BNIPL: variants seen among roughly 807,000 people sequenced by gnomAD.
The protein encoded by BNIPL is BCL2 interacting protein like, also known as bcl-2/adenovirus E1B 19 kDa-interacting protein 2-like protein.
BNIPL carries 33 observed loss-of-function variants against 47.0 expected under a neutral mutation model. That is an observed-to-expected ratio of 0.70 (90% CI 0.53 to 0.94). The LOEUF (loss-of-function observed/expected upper bound fraction) is 0.94. BNIPL is among the 40% of genes least tolerant of loss of function. BNIPL has a pLI of 0.00. For missense variants in BNIPL, 404 were observed against 445.2 expected (o/e 0.91, Z 0.83); for synonymous variants, 145 against 162.7 (o/e 0.89, Z 0.83).
chr1:151,039,056 T>C lies in BNIPL; in HGVS notation c.433+30T>C, dbSNP rs767537217. 9 of 1,536,300 alleles carry C rather than the reference T, an allele frequency of 5.9e-6. No homozygotes were observed. In the Admixed American group the frequency reaches 1.2e-4, roughly 21 times the overall value. ...GAAACAAACCAGAGGACTCAGCTGG[T>C]AGAAGTAGAGGCTAGAGCTAAAGGA... On this transcript the variant is annotated intron_variant, in intron 4 of 9. Transcript: ENST00000368931.
rs369054039 is a variant in BNIPL, at chr1:151,037,113, G to A, written c.41+347G>A. Among the ~76,000 whole-genome samples, 7 of 152,224 alleles carry A rather than the reference G, an allele frequency of 4.6e-5. No homozygotes were observed. In the East Asian group the frequency reaches 1.2e-3, roughly 25 times the overall value. ...GAACCGAGTTTAGGTCCAGGTTCTC[G>A]TTCTGGCAAATCTTTCTCCTTACCT... is the stretch of plus-strand genomic sequence containing the variant. On this transcript the variant is annotated intron_variant, in intron 1 of 9. Transcript: ENST00000368931.
chr1:151,046,080 C>G lies in BNIPL; in HGVS notation c.952C>G (p.Arg318Gly), dbSNP rs140082924. The G allele has an allele frequency of 1.4e-5, 23 of 1,614,022 alleles. No individual in the cohort carries two copies. The highest frequency in any genetic ancestry group is 4.0e-5 in the African/African-American group (3 of 74,912). Reference sequence around the variant, plus strand: ...CTCTCTTTTCAGTTCCAAATTCACACGAAAAATCCGTTTTCTGGACAGCCT... The same window carrying G: ...CTCTCTTTTCAGTTCCAAATTCACAGGAAAAATCCGTTTTCTGGACAGCCT... ...LRPFISSKFT[R>G]KIRFLDSLGE... The change falls in exon 9 of 10, where the codon CGA becomes GGA. Residue 318 changes from arginine (R) to glycine (G), a missense_variant. Physicochemically the swap from Arg to Gly is moderately radical, Grantham distance 125. Transcript: ENST00000368931.
Position 151,045,114 on chromosome 1 carries a change from A to G in BNIPL, c.852-683A>G, listed in dbSNP as rs193162991. 1,113 of 361,876 alleles carry G rather than the reference A, an allele frequency of 3.1e-3. 4 individuals are homozygous for G. Among genetic ancestry groups the G allele is most frequent in the Non-Finnish European group, 4.0e-3 (915 of 228,620 alleles). 22.4% of individuals were successfully genotyped at this position (361,876 alleles called of 1,614,324 possible). A position where few individuals can be genotyped will look rare whatever the true frequency, so the allele number is the denominator to read the frequency against. On this transcript the variant is annotated intron_variant, in intron 7 of 9. Transcript: ENST00000368931. The stretch of plus-strand genomic sequence containing the variant: ...GTCATTATCTCTACTAAAAAAATAC[A>G]AAAATTAGCTGGGCATGGTGGCATG...
Position 151,038,907 on chromosome 1 carries a change from C to G in BNIPL, c.314C>G (p.Ala105Gly). 6.2e-7 allele frequency: 1 copy of G among 1,614,094 alleles called. No homozygotes were observed. Among genetic ancestry groups the G allele is most frequent in the Non-Finnish European group, 8.5e-7 (1 of 1,179,972 alleles). The stretch of plus-strand genomic sequence containing the variant: ...ACTAAGGGGCCTGGAAATGATGGAG[C>G]TTCACCCACCCAGTCTGCACCTTCC... ...SLTKGPGNDGASPTQSAPSSP... is the reference protein window; with the variant it reads ...SLTKGPGNDGGSPTQSAPSSP... The change falls in exon 4 of 10, where the codon GCT becomes GGT. Residue 105 changes from alanine (A) to glycine (G), a missense_variant. Transcript: ENST00000368931.
chr1:151,046,606 C>CTAAATGATGACTCAACCCAATCATCTAG, intron 9 of BNIPL, 45 bp from the exon 10 acceptor site: 2 of 1,535,248 alleles, frequency 1.3e-6, no homozygotes, highest in Admixed American at 1.8e-5. Flanking sequence ...AAACCCAAGT[C>CTAAATGATGACTCAACCCAATCATCTAG]CTACCCCCTG....
intron 2 of BNIPL, among the ~76,000 whole-genome samples, chr1:151,038,128 A>G (rs1675692444): frequency 6.6e-6 from 1 of 151,720 alleles, no homozygotes; most frequent in Non-Finnish European, 1.5e-5. Context: ...TAATCCCAGC[A>G]CTTTGGGAGG....
intron 1 of BNIPL, chr1:151,037,263 G>T: frequency 1.0e-6 from 1 of 994,228 alleles, no homozygotes; most frequent in Non-Finnish European, 1.3e-6. Context: ...GGTGGGTCTA[G>T]CTGGGTTCCA....
chr1:151,038,000 C>CAAAAAA (rs58423611), intron 2 of BNIPL, among the ~76,000 whole-genome samples: 20 of 63,946 alleles, frequency 3.1e-4, no homozygotes, highest in African/African-American at 5.6e-4. Context: ...AACTCTGTCT[C>CAAAAAA]AAAAAAAAAA....
intron 4 of BNIPL, among the ~76,000 whole-genome samples, chr1:151,041,073 T>C (rs1675805991): frequency 6.6e-6 from 1 of 151,832 alleles, no homozygotes; most frequent in Non-Finnish European, 1.5e-5. Flanking sequence ...TAGTCCCAGC[T>C]ACTTGGGAGG....
At chr1:151,046,405 G>A (rs1291095450) in intron 9 of BNIPL, among the ~76,000 whole-genome samples, 2 of 151,730 alleles carry the variant, frequency 1.3e-5, no homozygotes, top group African/African-American at 4.9e-5. Flanking sequence ...AGGCAATAAG[G>A]AATAAAGGAA....
chr1:151,046,513 G>T, intron 9 of BNIPL, 138 bp from the exon 10 acceptor site: 1 of 773,730 alleles, frequency 1.3e-6, no homozygotes, highest in Non-Finnish European at 2.1e-6. Flanking sequence ...AGGGTGTTAG[G>T]GAGCAAAAGT....
intron 4 of BNIPL, among the ~76,000 whole-genome samples, chr1:151,041,280 G>A (rs1675816866): frequency 6.6e-6 from 1 of 152,172 alleles, no homozygotes; most frequent in South Asian, 2.1e-4. Context: ...AAGCAGTAAG[G>A]AGGCTAGTAC....
At chr1:151,046,504 G>C (rs1028330550) in intron 9 of BNIPL, 147 bp from the exon 10 acceptor site, 14 of 719,416 alleles carry the variant, frequency 1.9e-5, no homozygotes, top group Non-Finnish European at 3.0e-5. Context: ...GTGGGGGAGA[G>C]GGTGTTAGGG....
chr1:151,046,151 T>A lies in BNIPL; in HGVS notation c.1023T>A (p.Pro341=). 1 of 1,614,124 alleles carries A rather than the reference T, an allele frequency of 6.2e-7. No homozygotes were observed. The highest frequency in any genetic ancestry group is 8.5e-7 in the Non-Finnish European group (1 of 1,180,014). ...QLISLDQVHI[P]EAVRQLDRDL... is the part of the protein sequence containing the mutation. ...TATCCCTGGATCAAGTCCACATCCC[T>A]GAAGCTGTCAGACAGTGAGTTTCAC... The change falls in exon 9 of 10, where the codon CCT becomes CCA. Residue 341 remains proline (P), a synonymous_variant. Coordinates refer to ENST00000368931, the MANE Select transcript of BNIPL (RefSeq NM_138278.4).
intron 4 of BNIPL, among the ~76,000 whole-genome samples, chr1:151,042,047 T>A (rs1252105208): frequency 6.6e-6 from 1 of 151,676 alleles, no homozygotes; most frequent in Non-Finnish European, 1.5e-5. Flanking sequence ...TATTATTATT[T>A]TTGAGACAGA....
Position 151,037,675 on chromosome 1 carries a change from G to A in BNIPL, c.137+13G>A, listed in dbSNP as rs749376435. On this transcript the variant is annotated intron_variant, in intron 2 of 9. Coordinates refer to ENST00000368931, the MANE Select transcript of BNIPL (RefSeq NM_138278.4). Reference sequence around the variant, plus strand: ...AAGAATTCCCTAGGTGAGGACGTGTGAGGGTGGCTGGGAGAAGGGAGGGGT... The same window carrying A: ...AAGAATTCCCTAGGTGAGGACGTGTAAGGGTGGCTGGGAGAAGGGAGGGGT... The A allele has an allele frequency of 1.9e-6, 3 of 1,578,310 alleles. No individual in the cohort carries two copies.
chr1:151,043,675 C>A lies in BNIPL; in HGVS notation c.799C>A (p.Gln267Lys). 1.2e-6 allele frequency: 2 copies of A among 1,613,898 alleles called. No homozygotes were observed. The highest frequency in any genetic ancestry group is 1.7e-6 in the Non-Finnish European group (2 of 1,179,782). The part of the protein sequence containing the change: ...VHLSGGTSRA[Q>K]VPPLSWIRQC... ...TTTGAGTGGAGGCACAAGCAGGGCCCAAGTTCCACCTCTAAGCTGGATACG... is the reference window on the plus strand; with the variant it reads ...TTTGAGTGGAGGCACAAGCAGGGCCAAAGTTCCACCTCTAAGCTGGATACG... The change falls in exon 7 of 10, where the codon CAA becomes AAA. Residue 267 changes from glutamine to lysine, a missense_variant. Physicochemically the swap from Gln to Lys is moderately conservative, Grantham distance 53 (BLOSUM62 1). Coordinates refer to ENST00000368931, the MANE Select transcript of BNIPL (RefSeq NM_138278.4).
At chr1:151,041,606 A>AAAC (rs1004564004) in intron 4 of BNIPL, among the ~76,000 whole-genome samples, 9 of 152,098 alleles carry the variant, frequency 5.9e-5, no homozygotes, top group East Asian at 3.8e-4. Flanking sequence ...CTCTAAAAGA[A>AAAC]AACAACAACA....
In BNIPL at chr1:151,045,809, C is replaced by T. The variant is rs1449247567; in HGVS notation, c.864C>T (p.Asn288=). Residue 288 remains asparagine, a synonymous_variant, in exon 8 of 10, where the codon AAC becomes AAT. Transcript: ENST00000368931. ...TGTTGTTTTTCAGGCTACGGAAAAA[C>T]CTGCGAGCCCTGGTGGTTGTCCATG... ...YRTLDRRLRK[N]LRALVVVHAT... is the part of the protein sequence containing the mutation. 5 of 1,613,948 alleles carry T rather than the reference C, an allele frequency of 3.1e-6. No individual in the cohort carries two copies. The highest frequency in any genetic ancestry group is 3.4e-6 in the Non-Finnish European group (4 of 1,180,028).
Sources: gnomAD v4.1 joint callset for allele counts (sites outside exome capture counted in the v4.1 genomes callset) on GRCh38, gnomAD v4.1.1 for gene constraint, MANE v1.5 for transcripts, NCBI Gene and HGNC (gene_info 2026-07-23, HGNC 2026-07-21) for gene names.